SNX9: variants seen among roughly 807,000 people sequenced by gnomAD.
SNX9 encodes sorting nexin 9.
In SNX9, 44 loss-of-function variants were observed where a neutral mutation model predicts 89.4. The ratio of observed to expected loss-of-function variants is 0.49; its 90% CI spans 0.39 to 0.63. The LOEUF is 0.63. Ranked by LOEUF, SNX9 falls within the 30% of genes least tolerant of loss-of-function variation. The pLI is 0.00. For missense variants in SNX9, 578 were observed against 736.1 expected, an observed-to-expected ratio of 0.79 and a Z score of 2.49; for synonymous variants, 236 against 247.8, an observed-to-expected ratio of 0.95 and a Z score of 0.45.
chr6:157,845,303 G>A (rs1355026655), intron 1 of SNX9, among the ~76,000 whole-genome samples: 9 of 151,644 alleles, frequency 5.9e-5, no homozygotes, highest in South Asian at 2.1e-4. Context: ...TAGAGACGGC[G>A]TTTCACCATG....
intron 17 of SNX9, among the ~76,000 whole-genome samples, chr6:157,941,905 T>A (rs1562627085): frequency 6.6e-6 from 1 of 152,270 alleles, no homozygotes; most frequent in Non-Finnish European, 1.5e-5. Context: ...GCTCTTTAAA[T>A]GCACACTTTT....
intron 2 of SNX9, 30 bp from the exon 3 acceptor site, chr6:157,873,072 C>CTTTTTT (rs572209866): frequency 1.5e-6 from 2 of 1,324,364 alleles, no homozygotes; most frequent in Non-Finnish European, 2.0e-6. Context: ...TAATCTTTTT[C>CTTTTTT]TTTTTTTTTT....
intron 4 of SNX9, among the ~76,000 whole-genome samples, chr6:157,895,312 T>G (rs1412828353): frequency 1.3e-5 from 2 of 152,198 alleles, no homozygotes; most frequent in East Asian, 3.9e-4. Context: ...TGTCTTGGTC[T>G]GGGTTGTAAA....
At chr6:157,887,800 G>A (rs551632431) in intron 4 of SNX9, among the ~76,000 whole-genome samples, 10 of 152,184 alleles carry the variant, frequency 6.6e-5, no homozygotes, top group South Asian at 2.1e-4. Flanking sequence ...TAATACCACC[G>A]CTTATTTCAC....
intron 1 of SNX9, among the ~76,000 whole-genome samples, chr6:157,841,477 A>T (rs1488259789): frequency 6.6e-6 from 1 of 152,152 alleles, no homozygotes; most frequent in Non-Finnish European, 1.5e-5. Context: ...CTAGAGACCC[A>T]TGGGCCTTCA....
intron 1 of SNX9, among the ~76,000 whole-genome samples, chr6:157,853,493 A>G (rs543788778): frequency 3.9e-5 from 6 of 152,252 alleles, no homozygotes; most frequent in African/African-American, 1.4e-4. Context: ...GTTTTCACAA[A>G]TTGGAAATTT....
chr6:157,842,984 C>A (rs1033695743), intron 1 of SNX9, among the ~76,000 whole-genome samples: 1 of 152,204 alleles, frequency 6.6e-6, no homozygotes, highest in African/African-American at 2.4e-5. Flanking sequence ...GGATCAAATT[C>A]TTTCCCAAAG....
chr6:157,942,864 C>T lies in SNX9; in HGVS notation c.*26C>T, dbSNP rs780543349. ...GACAGAACGGGCCTTGAAGAGAATG[C>T]CGCGTGCTTTCTCCTGACTTGGGGC... On this transcript the variant is annotated 3_prime_UTR_variant, in exon 18 of 18. Transcript: ENST00000392185. 1 of 1,603,552 alleles carries T rather than the reference C, an allele frequency of 6.2e-7. No homozygotes were observed. The highest frequency in any genetic ancestry group is 1.1e-5 in the South Asian group (1 of 89,868).
chr6:157,924,050 T>G (rs4709729), intron 10 of SNX9, among the ~76,000 whole-genome samples: 67,665 of 151,826 alleles, frequency 0.45, 15,516 homozygotes, highest in East Asian at 0.57. Context: ...ATACAAAAAT[T>G]CGCCAGGTGT....
intron 9 of SNX9, among the ~76,000 whole-genome samples, chr6:157,912,546 C>T (rs1055936666): frequency 1.2e-4 from 19 of 152,170 alleles, no homozygotes; most frequent in African/African-American, 3.4e-4. Flanking sequence ...CCAAGGAAGC[C>T]GAACAGCACA....
chr6:157,921,801 A>G (rs1274045392), intron 10 of SNX9, 140 bp downstream of exon 10: 1 of 997,800 alleles, frequency 1.0e-6, no homozygotes, highest in Non-Finnish European at 1.4e-6. Flanking sequence ...ACAGAAACCT[A>G]AATCCCCACC....
chr6:157,913,427 T>TCAGCCTCCCA (rs1783391274), intron 9 of SNX9, among the ~76,000 whole-genome samples: 1 of 152,170 alleles, frequency 6.6e-6, no homozygotes, highest in African/African-American at 2.4e-5. Flanking sequence ...TCCTCCCACG[T>TCAGCCTCCCA]AGCTGGGATT....
chr6:157,842,536 C>T (rs551586751), intron 1 of SNX9, among the ~76,000 whole-genome samples: 13 of 151,954 alleles, frequency 8.6e-5, no homozygotes, highest in Non-Finnish European at 1.6e-4. Flanking sequence ...TCAGTCTCCC[C>T]GAGCATTTGG....
At chr6:157,895,417 A>C (rs1194626383) in intron 4 of SNX9, among the ~76,000 whole-genome samples, 1 of 152,202 alleles carries the variant, frequency 6.6e-6, no homozygotes, top group Non-Finnish European at 1.5e-5. Context: ...CTTAGGATCC[A>C]TCTTAGTTGA....
Position 157,906,232 on chromosome 6 carries a change from T to C in SNX9, c.705+20T>C, listed in dbSNP as rs1404848619. On this transcript the variant is annotated intron_variant, in intron 7 of 17. Transcript: ENST00000392185. ...ATCATTGTAAGTTTGTTTATTTTTG[T>C]TTGCTTTCTTTCTGATTAAGCTCTT... 1 of 1,589,492 alleles carries C rather than the reference T, an allele frequency of 6.3e-7. No homozygotes were observed. The highest frequency in any genetic ancestry group is 8.6e-7 in the Non-Finnish European group (1 of 1,165,764).
At chr6:157,920,491 G>T (rs144610307) in intron 9 of SNX9, among the ~76,000 whole-genome samples, 1 of 152,162 alleles carries the variant, frequency 6.6e-6, no homozygotes, top group Admixed American at 6.5e-5. Context: ...TGTCGAACAC[G>T]TGGGGTGGGT....
intron 1 of SNX9, chr6:157,830,277 C>CTTATA (rs1489997076): frequency 6.6e-6 from 1 of 152,114 alleles, no homozygotes; most frequent in Non-Finnish European, 1.5e-5. Flanking sequence ...TGGTAAATCT[C>CTTATA]TTATATGTCT....
chr6:157,942,611 G>T (rs568456681), intron 17 of SNX9, among the ~76,000 whole-genome samples, 180 bp from the exon 18 acceptor site: 1 of 152,232 alleles, frequency 6.6e-6, no homozygotes, highest in Admixed American at 6.5e-5. Context: ...CAGCGCTGCC[G>T]GTGTCATTCG....
chr6:157,901,899 A>G lies in SNX9; in HGVS notation c.474A>G (p.Ala158=). Residue 158 remains alanine (A), a splice_region_variant and synonymous_variant, in exon 6 of 18, where the codon GCA becomes GCG. Transcript: ENST00000392185. ...ATGATCTTCCATTTTCACCTCTAGC[A>G]ACTGGTGATGATGATGACTGGGATG... ...FGHPQAYQGP[A]TGDDDDWDED... The G allele has an allele frequency of 6.2e-7, 1 of 1,601,396 alleles. No individual in the cohort carries two copies. The highest frequency in any genetic ancestry group is 2.2e-5 in the East Asian group (1 of 44,472).
Sources: gnomAD v4.1 joint callset for allele counts (sites outside exome capture counted in the v4.1 genomes callset) on GRCh38, gnomAD v4.1.1 for gene constraint, MANE v1.5 for transcripts, NCBI Gene and HGNC (gene_info 2026-07-23, HGNC 2026-07-21) for gene names.